The following POLR3G variants were observed in gnomAD, a reference collection of about 807,000 sequenced individuals.
POLR3G encodes the protein DNA-directed RNA polymerase III subunit RPC7.
A neutral mutation model predicts 30.1 loss-of-function variants in POLR3G; 28 were observed. The observed-to-expected ratio is 0.93, with a 90% CI of 0.69 to 1.27. The LOEUF is 1.27. Among genes scored for constraint, POLR3G ranks in the 50% most tolerant of loss-of-function variants. The pLI is 0.00. For missense variants in POLR3G, 254 were observed against 264.6 expected (o/e 0.96, Z 0.28); for synonymous variants, 79 against 82.5 (o/e 0.96, Z 0.23).
chr5:90,476,356 G>A (rs1394012562), intron 1 of POLR3G, among the ~76,000 whole-genome samples: 3 of 152,236 alleles, frequency 2.0e-5, no homozygotes, highest in Admixed American at 1.3e-4. Flanking sequence ...TCAGGAGTTT[G>A]AGGGAAGATA....
Position 90,485,617 on chromosome 5 carries a change from A to G in POLR3G, c.50A>G (p.Glu17Gly). Residue 17 changes from glutamate (E) to glycine (G), a missense_variant, in exon 2 of 8, where the codon GAG becomes GGG. By Grantham distance (98) the Glu-to-Gly change is moderately conservative. Transcript: ENST00000651687. ...CGTGCTGCTTATACCTTTAATATTG[A>G]GGCTGTTGGATTTAGCAAAGGTGAA... Reference protein sequence around the residue: ...RGRAAYTFNIEAVGFSKGEKL... With the variant: ...RGRAAYTFNIGAVGFSKGEKL... The G allele has an allele frequency of 6.2e-7, 1 of 1,614,038 alleles. No individual in the cohort carries two copies. Among genetic ancestry groups the G allele is most frequent in the South Asian group, 1.1e-5 (1 of 91,076 alleles).
rs746355825 is a variant in POLR3G at position 90,501,990 on chromosome 5, T to C, written c.438+2T>C. On this transcript the variant is annotated splice_donor_variant, in intron 6 of 7. Transcript: ENST00000651687. LOFTEE classifies it high-confidence loss of function. ...GAAGATGTGTTGAAAAAAATGGAGG[T>C]AAGGTTTTCTTCTTACTATACAAGT... The C allele has an allele frequency of 6.2e-7, 1 of 1,611,278 alleles. No homozygotes were observed. The highest frequency in any genetic ancestry group is 2.2e-5 in the East Asian group (1 of 44,610).
intron 6 of POLR3G, among the ~76,000 whole-genome samples, chr5:90,502,729 C>T (rs1286948757): frequency 1.3e-5 from 2 of 149,348 alleles, no homozygotes; most frequent in Non-Finnish European, 3.0e-5. Flanking sequence ...TTACATTCTG[C>T]GTTTTCATTT....
upstream of POLR3G, chr5:90,473,981 C>T: frequency 6.3e-7 from 1 of 1,598,866 alleles, no homozygotes; most frequent in Non-Finnish European, 8.5e-7. Context: ...GCGCCTCGGC[C>T]TCGGCGTGGT....
Position 90,485,670 on chromosome 5 carries a change from C to A in POLR3G, c.103C>A (p.Pro35Thr), listed in dbSNP as rs745598020. 129 of 1,610,568 alleles carry A rather than the reference C, an allele frequency of 8.0e-5. No individual in the cohort carries two copies. The highest frequency in any genetic ancestry group is 4.9e-4 in the Middle Eastern group (3 of 6,070). Residue 35 changes from proline (P) to threonine (T), a missense_variant, in exon 2 of 8, where the codon CCC becomes ACC. Pro to Thr is a conservative substitution (Grantham distance 38). Coordinates refer to ENST00000651687, the MANE Select transcript of POLR3G (RefSeq NM_006467.3). ...GTTACCTGATGTAGTGTTGAAACCA[C>A]CCCCACTATTTCCTGTAAGTATATG... ...EKLPDVVLKPPPLFPDTDYKP... is the reference protein window; with the variant it reads ...EKLPDVVLKPTPLFPDTDYKP...
chr5:90,474,471 G>T, upstream of POLR3G: 11 of 615,588 alleles, frequency 1.8e-5, no homozygotes, highest in South Asian at 1.6e-4. Flanking sequence ...GACGCAGACC[G>T]ACGCTGCCCG....
At chr5:90,505,354 T>G (rs905010381) in intron 6 of POLR3G, among the ~76,000 whole-genome samples, 6 of 152,320 alleles carry the variant, frequency 3.9e-5, no homozygotes, top group African/African-American at 1.4e-4. Context: ...GGAAAACTTG[T>G]GAAATTCTAT....
At chr5:90,504,644 T>G (rs2151913642) in intron 6 of POLR3G, among the ~76,000 whole-genome samples, 1 of 152,316 alleles carries the variant, frequency 6.6e-6, no homozygotes, top group African/African-American at 2.4e-5. Context: ...GCATGTTTTT[T>G]AGATATAGTG....
intron 7 of POLR3G, among the ~76,000 whole-genome samples, chr5:90,510,129 T>C (rs1752669352): frequency 6.6e-6 from 1 of 152,148 alleles, no homozygotes; most frequent in Non-Finnish European, 1.5e-5. Flanking sequence ...AGACTGGCAT[T>C]TGCAATGCTC....
rs560088587 is a variant in POLR3G at position 90,485,675 on chromosome 5, A to C, written c.108A>C (p.Pro36=). ...CTGATGTAGTGTTGAAACCACCCCC[A>C]CTATTTCCTGTAAGTATATGAACAG... ...KLPDVVLKPP[P]LFPDTDYKPV... Residue 36 remains proline, a synonymous_variant, in exon 2 of 8, where the codon CCA becomes CCC. Coordinates refer to ENST00000651687, the MANE Select transcript of POLR3G (RefSeq NM_006467.3). The C allele has an allele frequency of 4.4e-6, 7 of 1,608,842 alleles. No homozygotes were observed. The African/African-American group carries it at 9.4e-5, about 21-fold the overall frequency.
intron 5 of POLR3G, among the ~76,000 whole-genome samples, chr5:90,500,762 C>G (rs544481892): frequency 6.6e-6 from 1 of 152,146 alleles, no homozygotes; most frequent in African/African-American, 2.4e-5. Context: ...GGTCATCTAC[C>G]ACAATCTAAA....
intron 1 of POLR3G, among the ~76,000 whole-genome samples, chr5:90,482,773 A>G (rs1751208587): frequency 6.6e-6 from 1 of 152,248 alleles, no homozygotes; most frequent in African/African-American, 2.4e-5. Flanking sequence ...TTGACTTCCT[A>G]TGATTTCATC....
chr5:90,477,214 T>C (rs1240385277), intron 1 of POLR3G, among the ~76,000 whole-genome samples: 2 of 152,174 alleles, frequency 1.3e-5, no homozygotes, highest in Non-Finnish European at 2.9e-5. Context: ...GCATGGCATC[T>C]GAAAAGAACC....
intron 1 of POLR3G, among the ~76,000 whole-genome samples, chr5:90,480,801 G>T (rs771916905): frequency 7.9e-5 from 12 of 152,174 alleles, no homozygotes; most frequent in African/African-American, 1.2e-4. Flanking sequence ...GTGGTTTTGA[G>T]TAGGCCTAGT....
chr5:90,481,593 AG>A (rs1160091230), intron 1 of POLR3G, among the ~76,000 whole-genome samples: 1 of 152,190 alleles, frequency 6.6e-6, no homozygotes, highest in African/African-American at 2.4e-5. Flanking sequence ...CAAGATTCCT[AG>A]GTAATTCTCT....
intron 7 of POLR3G, among the ~76,000 whole-genome samples, chr5:90,507,941 G>A (rs1404342422): frequency 1.3e-5 from 2 of 151,560 alleles, no homozygotes; most frequent in East Asian, 3.9e-4. Flanking sequence ...ACCCTTGCTC[G>A]CCCTTCATCT....
intron 1 of POLR3G, among the ~76,000 whole-genome samples, chr5:90,484,771 G>T (rs1043546219): frequency 5.3e-5 from 8 of 152,182 alleles, no homozygotes; most frequent in Non-Finnish European, 5.9e-5. Context: ...AGTATTATCA[G>T]CAGGGAAAGA....
intron 7 of POLR3G, among the ~76,000 whole-genome samples, chr5:90,511,125 C>T (rs1752721446): frequency 6.6e-6 from 1 of 152,130 alleles, no homozygotes; most frequent in Non-Finnish European, 1.5e-5. Flanking sequence ...CCTGTCCACC[C>T]ATCCCATTCC....
intron 3 of POLR3G, among the ~76,000 whole-genome samples, chr5:90,493,910 A>G (rs1751862419): frequency 1.3e-5 from 2 of 151,752 alleles, no homozygotes; most frequent in South Asian, 4.2e-4. Context: ...GGGTTTCACC[A>G]TGTTGGCCCG....
Sources: allele counts gnomAD v4.1 joint callset (sites outside exome capture counted in the v4.1 genomes callset), GRCh38; gene constraint gnomAD v4.1.1; transcripts MANE v1.5; gene names NCBI Gene and HGNC (gene_info 2026-07-23, HGNC 2026-07-21).